The following CCDC198 variants were observed in gnomAD, a reference collection of about 807,000 sequenced individuals.
CCDC198 encodes coiled-coil domain containing 198, also known as factor associated with metabolism and energy.
A neutral mutation model predicts 35.6 loss-of-function variants in CCDC198; 18 were observed. That is an observed-to-expected ratio of 0.51 (90% CI 0.35 to 0.75). The LOEUF is 0.75. Ranked by LOEUF, CCDC198 falls within the 30% of genes least tolerant of loss-of-function variation. The probability of loss-of-function intolerance (pLI) is 0.01; values close to 1 mark genes in which losing one functional copy is unlikely to be tolerated. For synonymous variants in CCDC198, 119 were observed against 113.4 expected, an observed-to-expected ratio of 1.05 and a Z score of -0.31; for missense variants, 365 against 343.7, an observed-to-expected ratio of 1.06 and a Z score of -0.49.
chr14:57,484,860 G>A (rs569819161), intron 2 of CCDC198, among the ~76,000 whole-genome samples: 3 of 152,308 alleles, frequency 2.0e-5, no homozygotes, highest in South Asian at 4.1e-4. Context: ...TGGCTGCAGT[G>A]TGGAAACTAG....
chr14:57,478,615 A>T (rs1165482370), intron 5 of CCDC198: 2 of 989,034 alleles, frequency 2.0e-6, no homozygotes, highest in Non-Finnish European at 2.4e-6. Context: ...CGTGCTCTCA[A>T]GTGATGACTC....
intron 3 of CCDC198, among the ~76,000 whole-genome samples, chr14:57,482,562 G>A (rs1241850404): frequency 2.0e-5 from 3 of 152,176 alleles, no homozygotes; most frequent in African/African-American, 7.2e-5. Flanking sequence ...GGGAGTTCTA[G>A]TCAACAGAAC....
At chr14:57,471,654 C>A in intron 5 of CCDC198, 64 bp from the exon 6 acceptor site, 1 of 859,062 alleles carries the variant, frequency 1.2e-6, no homozygotes, top group Non-Finnish European at 1.8e-6. Flanking sequence ...TTATTAAGTG[C>A]CTAGCTTAAT....
In CCDC198 at chr14:57,476,463, C is replaced by T. The variant is rs544845603; in HGVS notation, c.655+4132G>A. Among the ~76,000 whole-genome samples, 4 of 152,200 alleles carry T rather than the reference C, an allele frequency of 2.6e-5. No homozygotes were observed. In the South Asian group the frequency reaches 8.3e-4, roughly 32 times the overall value. ...TCTGTGTTCATTCATGTCACAGCTT[C>T]AGCAAAGGGTAGGAGCCACAGAAAC... On this transcript the variant is annotated intron_variant, in intron 5 of 5. Transcript: ENST00000216445.
At chr14:57,477,747 G>C (rs1433913661) in intron 5 of CCDC198, among the ~76,000 whole-genome samples, 1 of 152,132 alleles carries the variant, frequency 6.6e-6, no homozygotes, top group African/African-American at 2.4e-5. Flanking sequence ...GCCCAGGTTG[G>C]AGTGCAGTGG....
chr14:57,478,447 T>G (rs925558407), intron 5 of CCDC198: 10 of 985,034 alleles, frequency 1.0e-5, no homozygotes, highest in Non-Finnish European at 1.1e-5. Context: ...TGGCTTATAG[T>G]AAGCACTCAA....
At chr14:57,487,336 G>C (rs2067399792) in intron 2 of CCDC198, among the ~76,000 whole-genome samples, 1 of 152,112 alleles carries the variant, frequency 6.6e-6, no homozygotes, top group South Asian at 2.1e-4. Context: ...GAAGGGCCAG[G>C]GGACTCAAGA....
intron 5 of CCDC198, among the ~76,000 whole-genome samples, chr14:57,475,124 G>GCA (rs1437497252): frequency 6.6e-6 from 1 of 151,706 alleles, no homozygotes; most frequent in Non-Finnish European, 1.5e-5. Context: ...AGCCGGGCAT[G>GCA]GTGGCGGGCG....
In CCDC198 at chr14:57,471,389, A is replaced by T. The variant is rs2066812747; in HGVS notation, c.857T>A (p.Ile286Asn). The T allele has an allele frequency of 1.2e-6, 2 of 1,613,242 alleles. No homozygotes were observed. The highest frequency in any genetic ancestry group is 1.7e-5 in the Admixed American group (1 of 59,836). Reference protein sequence around the residue: ...RALVRTRTERIPLFDEFFDQE With the variant: ...RALVRTRTERNPLFDEFFDQE The stretch of plus-strand genomic sequence containing the variant: ...ATCAAAAAACTCATCGAAAAGTGGG[A>T]TTCTCTCTGTCCTGGTCCTCACCAG... Residue 286 changes from isoleucine (I) to asparagine (N), a missense_variant, in exon 6 of 6, where the codon ATC (isoleucine) becomes AAC (asparagine). By Grantham distance (149) the Ile-to-Asn change is moderately radical. Coordinates refer to ENST00000216445, the MANE Select transcript of CCDC198 (RefSeq NM_018168.4).
chr14:57,470,307 T>C lies in CCDC198; in HGVS notation c.*1048A>G, dbSNP rs2139448839. On this transcript the variant is annotated 3_prime_UTR_variant, in exon 6 of 6. Coordinates refer to ENST00000216445, the MANE Select transcript of CCDC198 (RefSeq NM_018168.4). ...GAAACTCACTTTTATTTGTCTCCAGTCTACTTTTTCATCTATTTGTTTTTG... is the reference window on the plus strand; with the variant it reads ...GAAACTCACTTTTATTTGTCTCCAGCCTACTTTTTCATCTATTTGTTTTTG... The C allele has an allele frequency of 6.6e-6, 1 of 152,238 alleles. No individual in the cohort carries two copies. Among genetic ancestry groups the C allele is most frequent in the Non-Finnish European group, 1.5e-5 (1 of 68,016 alleles). 9.4% of individuals were successfully genotyped at this position (152,238 alleles called of 1,614,324 possible).
intron 2 of CCDC198, among the ~76,000 whole-genome samples, chr14:57,484,717 G>A (rs1440971022): frequency 6.6e-6 from 1 of 152,222 alleles, no homozygotes; most frequent in African/African-American, 2.4e-5. Flanking sequence ...GCTGAGAGGT[G>A]AGGCAGGGGC....
intron 2 of CCDC198, among the ~76,000 whole-genome samples, chr14:57,485,442 C>T (rs569103365): frequency 5.3e-5 from 8 of 152,170 alleles, no homozygotes; most frequent in Admixed American, 2.0e-4. Flanking sequence ...CTTAGTCCAA[C>T]GCTGAAGGCA....
chr14:57,475,702 T>A, intron 5 of CCDC198: 1 of 407,102 alleles, frequency 2.5e-6, no homozygotes, highest in South Asian at 1.7e-5. Context: ...AGCGAAACTC[T>A]GTCTTAAAAA....
chr14:57,479,469 G>T (rs1249086669), intron 5 of CCDC198, among the ~76,000 whole-genome samples: 2 of 152,146 alleles, frequency 1.3e-5, no homozygotes, highest in African/African-American at 4.8e-5. Flanking sequence ...GACATGGTCA[G>T]ATTTGCATTT....
Position 57,480,636 on chromosome 14 carries a change from A to G in CCDC198, c.614T>C (p.Leu205Pro). 6.2e-7 allele frequency: 1 copy of G among 1,614,146 alleles called. No homozygotes were observed. The highest frequency in any genetic ancestry group is 8.5e-7 in the Non-Finnish European group (1 of 1,179,998). The change falls in exon 5 of 6, where the codon CTT becomes CCT. Residue 205 changes from leucine (L) to proline (P), a missense_variant. By Grantham distance (98) the Leu-to-Pro change is moderately conservative. Transcript: ENST00000216445. ...GATTTCATCAGGCAACATGGTTAGAAGGTCATGGTCATCATTCCTTGGGGT... is the reference window on the plus strand; with the variant it reads ...GATTTCATCAGGCAACATGGTTAGAGGGTCATGGTCATCATTCCTTGGGGT... ...QSTPRNDDHD[L>P]LTMLPDEILN...
intron 5 of CCDC198, among the ~76,000 whole-genome samples, chr14:57,476,963 G>A (rs1180721219): frequency 6.6e-6 from 1 of 152,214 alleles, no homozygotes; most frequent in Non-Finnish European, 1.5e-5. Context: ...CAGAGGTGAA[G>A]GCTGTCGCCT....
chr14:57,492,423 A>G (rs1229544729), intron 1 of CCDC198, among the ~76,000 whole-genome samples: 1 of 152,080 alleles, frequency 6.6e-6, no homozygotes, highest in Non-Finnish European at 1.5e-5. Flanking sequence ...GGGTTTGGAT[A>G]AAAAGGGAAT....
chr14:57,488,041 C>CTG (rs1289416420), intron 2 of CCDC198, among the ~76,000 whole-genome samples: 34 of 152,246 alleles, frequency 2.2e-4, no homozygotes, highest in Non-Finnish European at 1.0e-4. Flanking sequence ...AAATCATGAG[C>CTG]AAAGCTGAGC....
At position 57,482,955 on chromosome 14, in the gene CCDC198, T is replaced by C. The variant is rs2067235918; in HGVS notation, c.393+110A>G. 6.9e-6 allele frequency: 10 copies of C among 1,455,734 alleles called. No homozygotes were observed. The South Asian group carries it at 1.2e-4, about 18-fold the overall frequency. 90.2% of individuals were successfully genotyped at this position (1,455,734 alleles called of 1,614,324 possible). A position where few individuals can be genotyped will look rare whatever the true frequency, so the allele number is the denominator to read the frequency against. Reference sequence around the variant, plus strand: ...ATGACTTAACAGTTTGATTTGTCTTTGAACTCCTCCATGCAGAGAGTGCAT... The same window carrying C: ...ATGACTTAACAGTTTGATTTGTCTTCGAACTCCTCCATGCAGAGAGTGCAT... On this transcript the variant is annotated intron_variant, in intron 3 of 5. Transcript: ENST00000216445.
Sources: allele counts gnomAD v4.1 joint callset (sites outside exome capture counted in the v4.1 genomes callset), GRCh38; gene constraint gnomAD v4.1.1; transcripts MANE v1.5; gene names NCBI Gene and HGNC (gene_info 2026-07-23, HGNC 2026-07-21).